RARB: variants seen among roughly 807,000 people sequenced by gnomAD.
The protein encoded by RARB is HBV-activated protein.
Under a neutral mutation model 51.9 loss-of-function variants are expected in RARB, and 17 were observed. That is an observed-to-expected ratio of 0.33 (90% confidence interval 0.22 to 0.49). The LOEUF is 0.49. Among genes scored for constraint, RARB ranks in the 20% least tolerant of loss-of-function variants. The pLI is 0.99. For missense variants in RARB, 369 were observed against 550.8 expected (o/e 0.67, Z 3.30); for synonymous variants, 215 against 195.4 (o/e 1.10, Z -0.84).
intron 2 of RARB, among the ~76,000 whole-genome samples, chr3:25,028,279 G>A (rs1697793731): frequency 6.6e-6 from 1 of 152,198 alleles, no homozygotes; most frequent in Non-Finnish European, 1.5e-5. Context: ...TCCTCCAGGT[G>A]ATTCTGATGC....
intron 3 of RARB, among the ~76,000 whole-genome samples, chr3:25,092,791 C>A (rs1016331823): frequency 6.6e-6 from 1 of 152,104 alleles, no homozygotes; most frequent in Non-Finnish European, 1.5e-5. Context: ...CAGATAATGT[C>A]ACCTGAACAT....
chr3:25,232,660 G>C (rs74684476), intron 5 of RARB, among the ~76,000 whole-genome samples: 3,318 of 152,130 alleles, frequency 0.022, 61 homozygotes, highest in Non-Finnish European at 0.036. Context: ...TTCCAAGTGT[G>C]CATTGCTGAT....
chr3:25,251,042 C>A (rs918693113), intron 5 of RARB, among the ~76,000 whole-genome samples: 1 of 152,062 alleles, frequency 6.6e-6, no homozygotes, highest in Non-Finnish European at 1.5e-5. Context: ...TGAAAGTGTT[C>A]TCTGTTAGGT....
At chr3:24,958,267 T>TTTTTTG (rs1696064675) in intron 2 of RARB, among the ~76,000 whole-genome samples, 1 of 121,626 alleles carries the variant, frequency 8.2e-6, no homozygotes, top group East Asian at 2.8e-4. Context: ...TTTTTTTTTT[T>TTTTTTG]TTTTTTTTTT....
At chr3:25,015,526 G>A (rs979003211) in intron 2 of RARB, among the ~76,000 whole-genome samples, 4 of 152,126 alleles carry the variant, frequency 2.6e-5, no homozygotes, top group Admixed American at 2.6e-4. Flanking sequence ...CAGGCATAAT[G>A]GGAAACTTCT....
At chr3:25,117,206 G>A (rs957335665) in intron 3 of RARB, among the ~76,000 whole-genome samples, 17 of 152,148 alleles carry the variant, frequency 1.1e-4, no homozygotes, top group African/African-American at 3.9e-4. Flanking sequence ...TGTTCAATAA[G>A]TAACTAAAAT....
intron 2 of RARB, among the ~76,000 whole-genome samples, chr3:24,996,800 A>AT (rs1697049433): frequency 1.3e-5 from 2 of 152,010 alleles, no homozygotes. Context: ...GTTTTATCCC[A>AT]TTGTGGTCAG....
chr3:25,356,133 A>G (rs1705727677), intron 5 of RARB, among the ~76,000 whole-genome samples: 1 of 152,118 alleles, frequency 6.6e-6, no homozygotes, highest in African/African-American at 2.4e-5. Flanking sequence ...TAAGTGCTGT[A>G]TCTATAGCGA....
intron 5 of RARB, among the ~76,000 whole-genome samples, chr3:25,194,562 A>C (rs950483678): frequency 1.3e-5 from 2 of 150,630 alleles, no homozygotes; most frequent in Non-Finnish European, 3.0e-5. Flanking sequence ...GTACACCTTA[A>C]ATACATACAA....
intron 4 of RARB, among the ~76,000 whole-genome samples, chr3:25,169,222 G>A (rs908129970): frequency 1.3e-5 from 2 of 152,086 alleles, no homozygotes; most frequent in Admixed American, 1.3e-4. Flanking sequence ...ACTGAAAAAA[G>A]CCAGTAAAGA....
At chr3:25,252,462 T>A (rs1312373813) in intron 5 of RARB, among the ~76,000 whole-genome samples, 1 of 152,230 alleles carries the variant, frequency 6.6e-6, no homozygotes, top group Non-Finnish European at 1.5e-5. Context: ...AATGATATTG[T>A]CTTCCAGTCC....
chr3:24,999,499 C>G lies in RARB; in HGVS notation c.-379-60626C>G, dbSNP rs139128569. ...GGCAGATCCCATTAAGAAATCAAAG[C>G]CTACCAATACATACTTTTGTACATG... is the stretch of plus-strand genomic sequence containing the variant. On this transcript the variant is annotated intron_variant, in intron 2 of 11. Transcript: ENST00000383772. Among the ~76,000 whole-genome samples the G allele has an allele frequency of 2.2e-4, 33 of 152,208 alleles. 2 individuals are homozygous for G. The highest frequency in any genetic ancestry group is 7.9e-4 in the African/African-American group (33 of 41,540).
At chr3:25,360,869 C>G (rs1262187285) in intron 5 of RARB, among the ~76,000 whole-genome samples, 1 of 152,174 alleles carries the variant, frequency 6.6e-6, no homozygotes, top group African/African-American at 2.4e-5. Context: ...TTGGGCTTCC[C>G]TTTGTGGGTA....
chr3:25,104,398 G>A (rs1470906023), intron 3 of RARB, among the ~76,000 whole-genome samples: 1 of 152,164 alleles, frequency 6.6e-6, no homozygotes, highest in African/African-American at 2.4e-5. Context: ...CGGGGATGGG[G>A]GTGGAGGGAG....
chr3:25,543,286 T>C (rs1699461143), intron 3 of RARB, among the ~76,000 whole-genome samples: 2 of 152,062 alleles, frequency 1.3e-5, no homozygotes, highest in Admixed American at 6.5e-5. Flanking sequence ...TCACTGTGAG[T>C]AGGAGCTGGC....
At chr3:25,090,817 T>G (rs562746299) in intron 3 of RARB, among the ~76,000 whole-genome samples, 1 of 152,250 alleles carries the variant, frequency 6.6e-6, no homozygotes, top group East Asian at 1.9e-4. Flanking sequence ...TGCTGTATGG[T>G]GTATCACAAC....
At chr3:25,391,849 ATTCTGCTGGTTAT>A (rs1229893794) in intron 5 of RARB, among the ~76,000 whole-genome samples, 1 of 151,956 alleles carries the variant, frequency 6.6e-6, no homozygotes, top group Non-Finnish European at 1.5e-5. Flanking sequence ...TGTTCTGTTA[ATTCTGCTGGTTAT>A]TTCTTTTGCT....
Position 25,130,915 on chromosome 3 carries a change from T to TTGATAA in RARB, c.-327-1245_-327-1244insGATAAT, listed in dbSNP as rs1559477493. On this transcript the variant is annotated intron_variant, in intron 3 of 11. Transcript: ENST00000383772. ...GATAATATCAATATTATTGATAATA[T>TTGATAA]TATCAATATTTATCATTGATAATAT... is the stretch of plus-strand genomic sequence containing the variant. Among the ~76,000 whole-genome samples the TTGATAA allele has an allele frequency of 1.6e-3, 38 of 23,106 alleles. 2 individuals carry two copies. In the East Asian group the frequency reaches 0.028, roughly 17 times the overall value. The allele number at this position is 23,106 out of a possible 152,430, so 15.2% of individuals were successfully genotyped here. A position where few individuals can be genotyped will look rare whatever the true frequency, so the allele number is the denominator to read the frequency against.
chr3:24,843,565 A>G (rs1702446197), intron 1 of RARB, among the ~76,000 whole-genome samples: 1 of 152,142 alleles, frequency 6.6e-6, no homozygotes, highest in Admixed American at 6.5e-5. Flanking sequence ...ATTTGAATCC[A>G]ATATATATCT....
Sources: allele counts gnomAD v4.1 joint callset (sites outside exome capture counted in the v4.1 genomes callset), GRCh38; gene constraint gnomAD v4.1.1; transcripts MANE v1.5; gene names NCBI Gene and HGNC (gene_info 2026-07-23, HGNC 2026-07-21).